KPNA7: variants seen among roughly 807,000 people sequenced by gnomAD.
KPNA7 encodes the protein importin subunit alpha-8.
KPNA7 carries 54 observed loss-of-function variants against 53.7 expected under a neutral mutation model. The ratio of observed to expected loss-of-function variants is 1.01; its 90% confidence interval spans 0.81 to 1.26. KPNA7 has a LOEUF of 1.26. Among genes scored for constraint, KPNA7 ranks in the 50% most tolerant of loss-of-function variants. The pLI is 0.00. For synonymous variants in KPNA7, 276 were observed against 259.3 expected (o/e 1.06, Z -0.62); for missense variants, 640 against 644.5 (o/e 0.99, Z 0.07).
chr7:99,178,042 C>T lies in KPNA7; in HGVS notation c.1342G>A (p.Glu448Lys). 1 of 1,551,620 alleles carries T rather than the reference C, an allele frequency of 6.4e-7. No individual in the cohort carries two copies. The highest frequency in any genetic ancestry group is 8.7e-7 in the Non-Finnish European group (1 of 1,146,968). Residue 448 changes from glutamate to lysine, a missense_variant, in exon 10 of 11, where the codon GAA becomes AAA. Coordinates refer to ENST00000327442, the MANE Select transcript of KPNA7 (RefSeq NM_001145715.3). Reference protein sequence around the residue: ...LQAAEKRSEKENLCLLIEELG... With the variant: ...LQAAEKRSEKKNLCLLIEELG... ...TCTTCTATCAGAAGACACAGGTTTT[C>T]CTTCTCAGACCGTTTCTCTGCCGCC...
intron 9 of KPNA7, among the ~76,000 whole-genome samples, chr7:99,179,814 A>G (rs1799083810): frequency 6.6e-6 from 1 of 151,894 alleles, no homozygotes; most frequent in South Asian, 2.1e-4. Context: ...ACCTCAGGTG[A>G]TCTGCACACC....
At chr7:99,197,732 T>A (rs1393162608) in intron 3 of KPNA7, among the ~76,000 whole-genome samples, 4 of 152,074 alleles carry the variant, frequency 2.6e-5, no homozygotes, top group African/African-American at 9.7e-5. Flanking sequence ...GCAGACATAA[T>A]AAAGCAGCAG....
In KPNA7 at chr7:99,182,067, TGC is replaced by T; in HGVS notation, c.1135-4_1135-3del. On this transcript the variant is annotated splice_region_variant and splice_polypyrimidine_tract_variant and intron_variant, in intron 8 of 10. Coordinates refer to ENST00000327442, the MANE Select transcript of KPNA7 (RefSeq NM_001145715.3). ...CTCTTTCTGGACTTTAAATTCTCCCTGCAGAACAAGAATGTTTCCATTCTCTA... is the reference window on the plus strand; with the variant it reads ...CTCTTTCTGGACTTTAAATTCTCCCTAGAACAAGAATGTTTCCATTCTCTA... 3.9e-6 allele frequency: 6 copies of T among 1,527,588 alleles called. No homozygotes were observed. The South Asian group carries it at 7.3e-5, about 19-fold the overall frequency. 94.6% of individuals were successfully genotyped at this position (1,527,588 alleles called of 1,614,324 possible). A position where few individuals can be genotyped will look rare whatever the true frequency, so the allele number is the denominator to read the frequency against.
intron 9 of KPNA7, among the ~76,000 whole-genome samples, chr7:99,180,096 C>T (rs1469230116): frequency 6.6e-6 from 1 of 152,168 alleles, no homozygotes; most frequent in African/African-American, 2.4e-5. Context: ...TGCTTTTAGA[C>T]CCCTTACTCA....
intron 3 of KPNA7, among the ~76,000 whole-genome samples, chr7:99,197,658 C>T (rs1790299884): frequency 6.6e-6 from 1 of 152,156 alleles, no homozygotes; most frequent in Non-Finnish European, 1.5e-5. Context: ...GATACAAATT[C>T]TGGAATTGGA....
intron 10 of KPNA7, among the ~76,000 whole-genome samples, chr7:99,177,161 C>A (rs1798934805): frequency 6.6e-6 from 1 of 152,104 alleles, no homozygotes; most frequent in South Asian, 2.1e-4. Flanking sequence ...TCATGAGGTC[C>A]CTAGAATAGT....
At chr7:99,192,891 G>T in intron 6 of KPNA7, 128 bp downstream of exon 6, 2 of 597,742 alleles carry the variant, frequency 3.3e-6, no homozygotes, top group Non-Finnish European at 2.8e-6. Flanking sequence ...AACTTTGAGA[G>T]GTAGGAGGAT....
the KPNA7 span, among the ~76,000 whole-genome samples, chr7:99,148,031 A>G: frequency 3.9e-5 from 6 of 151,954 alleles, no homozygotes; most frequent in African/African-American, 1.4e-4. Flanking sequence ...AAAAAAAAAA[A>G]AAAGTTGATT....
At chr7:99,201,647 AGT>A (rs1390533822) in intron 3 of KPNA7, among the ~76,000 whole-genome samples, 1 of 148,156 alleles carries the variant, frequency 6.7e-6, no homozygotes, top group East Asian at 2.1e-4. Context: ...TGGGCGACAG[AGT>A]GAGACTCTGT....
chr7:99,171,923 G>A (rs1312479164), downstream of KPNA7, among the ~76,000 whole-genome samples: 1 of 152,174 alleles, frequency 6.6e-6, no homozygotes, highest in Non-Finnish European at 1.5e-5. Flanking sequence ...GCATGACAGA[G>A]CTCTCCAGTG....
chr7:99,205,703 TA>T (rs984500507), intron 2 of KPNA7, among the ~76,000 whole-genome samples: 1 of 151,854 alleles, frequency 6.6e-6, no homozygotes, highest in African/African-American at 2.4e-5. Flanking sequence ...TACAAAAAAT[TA>T]GCCAGGCGTA....
upstream of KPNA7, among the ~76,000 whole-genome samples, chr7:99,208,133 T>C (rs1790916187): frequency 6.7e-6 from 1 of 149,828 alleles, no homozygotes; most frequent in Admixed American, 6.6e-5. Flanking sequence ...CTGGAGTGCA[T>C]TGGCACAATC....
intron 5 of KPNA7, among the ~76,000 whole-genome samples, chr7:99,194,090 G>A (rs913428469): frequency 2.6e-5 from 4 of 152,150 alleles, no homozygotes; most frequent in Non-Finnish European, 5.9e-5. Context: ...AGTCACGGGA[G>A]TTATTGCTTC....
the KPNA7 span, among the ~76,000 whole-genome samples, chr7:99,150,115 A>G: frequency 6.6e-6 from 1 of 151,786 alleles, no homozygotes; most frequent in Non-Finnish European, 1.5e-5. Context: ...TCTGTTTTTG[A>G]GACAGGGTCT....
chr7:99,162,423 C>T, the KPNA7 span, among the ~76,000 whole-genome samples: 1 of 152,166 alleles, frequency 6.6e-6, no homozygotes, highest in Non-Finnish European at 1.5e-5. Flanking sequence ...AGTGTTCACA[C>T]CGTAAACCAA....
At chr7:99,154,038 G>A in the KPNA7 span, among the ~76,000 whole-genome samples, 16 of 151,576 alleles carry the variant, frequency 1.1e-4, no homozygotes, top group East Asian at 2.9e-3. Context: ...CACTTTAAAT[G>A]TTTTCTAAAT....
At chr7:99,217,260 A>G (rs1235475114) in intron 1 of KPNA7, among the ~76,000 whole-genome samples, 1 of 152,192 alleles carries the variant, frequency 6.6e-6, no homozygotes, top group Non-Finnish European at 1.5e-5. Flanking sequence ...TGACATGGTA[A>G]TTCGAGGAGG....
the KPNA7 span, among the ~76,000 whole-genome samples, chr7:99,150,135 G>T: frequency 4.0e-5 from 6 of 151,646 alleles, no homozygotes; most frequent in Non-Finnish European, 7.4e-5. Context: ...TTGTTCTGTT[G>T]CCCAGGCTGG....
chr7:99,189,822 G>A (rs894429046), intron 6 of KPNA7, among the ~76,000 whole-genome samples: 2 of 152,034 alleles, frequency 1.3e-5, no homozygotes, highest in Admixed American at 1.3e-4. Context: ...AAACTCCTGG[G>A]CTCAAGGGAT....
Sources: allele counts gnomAD v4.1 joint callset (sites outside exome capture counted in the v4.1 genomes callset), GRCh38; gene constraint gnomAD v4.1.1; transcripts MANE v1.5; gene names NCBI Gene and HGNC (gene_info 2026-07-23, HGNC 2026-07-21).